SLMAP: variants seen among roughly 807,000 people sequenced by gnomAD.
The protein encoded by SLMAP is sarcolemma associated protein, also known as sarcolemmal membrane-associated protein.
SLMAP carries 44 observed loss-of-function variants against 128.8 expected under a neutral mutation model. The ratio of observed to expected loss-of-function variants is 0.34; its 90% CI spans 0.27 to 0.44. The LOEUF (loss-of-function observed/expected upper bound fraction) is 0.44. Among genes scored for constraint, SLMAP ranks in the 20% least tolerant of loss-of-function variants. SLMAP has a pLI of 1.00. For synonymous variants in SLMAP, 327 were observed against 348.8 expected, an observed-to-expected ratio of 0.94 and a Z score of 0.70; for missense variants, 787 against 985.3, an observed-to-expected ratio of 0.80 and a Z score of 2.69.
At chr3:57,819,575 C>T (rs1470675075) in intron 2 of SLMAP, among the ~76,000 whole-genome samples, 1 of 152,042 alleles carries the variant, frequency 6.6e-6, no homozygotes, top group African/African-American at 2.4e-5. Flanking sequence ...CTCTCTCCTA[C>T]CTCTTAATGA....
intron 22 of SLMAP, among the ~76,000 whole-genome samples, chr3:57,922,609 A>G (rs555981148): frequency 3.6e-4 from 54 of 152,016 alleles, no homozygotes; most frequent in African/African-American, 1.2e-3. Flanking sequence ...TTGTATTTTT[A>G]GTAGAGATGG....
intron 17 of SLMAP, chr3:57,901,147 A>G (rs1465184920): frequency 6.6e-6 from 1 of 152,228 alleles, no homozygotes; most frequent in Non-Finnish European, 1.5e-5. Flanking sequence ...GGCTTCTCCC[A>G]TATGGTTCCC....
intron 22 of SLMAP, among the ~76,000 whole-genome samples, chr3:57,921,388 A>G (rs951862835): frequency 3.9e-5 from 6 of 152,120 alleles, no homozygotes; most frequent in Non-Finnish European, 8.8e-5. Flanking sequence ...GCACTTTGGG[A>G]GGCTGAAGCA....
chr3:57,851,075 T>C (rs770836283), intron 6 of SLMAP, among the ~76,000 whole-genome samples: 40 of 152,354 alleles, frequency 2.6e-4, no homozygotes, highest in South Asian at 6.2e-4. Context: ...CTCACAACAG[T>C]CTTACAAGGT....
chr3:57,791,716 A>G (rs2085498183), intron 2 of SLMAP, among the ~76,000 whole-genome samples: 1 of 152,138 alleles, frequency 6.6e-6, no homozygotes, highest in South Asian at 2.1e-4. Context: ...ATTGGCTCAG[A>G]TTAAGTATTT....
intron 14 of SLMAP, among the ~76,000 whole-genome samples, chr3:57,874,167 A>G (rs779000958): frequency 1.3e-5 from 2 of 152,114 alleles, no homozygotes; most frequent in Non-Finnish European, 2.9e-5. Context: ...TGGCACATGT[A>G]TGTAGCCCTA....
chr3:57,790,003 A>AT (rs1324034205), intron 2 of SLMAP, among the ~76,000 whole-genome samples: 1 of 151,896 alleles, frequency 6.6e-6, no homozygotes, highest in East Asian at 1.9e-4. Flanking sequence ...CTCCCAACTA[A>AT]TTTTTTTATT....
At chr3:57,854,806 T>C (rs892846018) in intron 6 of SLMAP, among the ~76,000 whole-genome samples, 1 of 152,348 alleles carries the variant, frequency 6.6e-6, no homozygotes, top group South Asian at 2.1e-4. Context: ...TGTATGTGGT[T>C]GTATATATAC....
chr3:57,902,753 A>G (rs2096421643), intron 17 of SLMAP, among the ~76,000 whole-genome samples: 1 of 152,224 alleles, frequency 6.6e-6, no homozygotes, highest in Admixed American at 6.5e-5. Flanking sequence ...TTTCTGGAAG[A>G]AAAGGTGTCC....
At chr3:57,896,700 G>A (rs990061211) in intron 16 of SLMAP, 109 bp downstream of exon 16, 114 of 1,204,750 alleles carry the variant, frequency 9.5e-5, no homozygotes, top group Non-Finnish European at 1.2e-4. Flanking sequence ...AAAAAAAAAC[G>A]CTTCCATTTA....
chr3:57,910,089 C>CTG lies in SLMAP; in HGVS notation c.1699+940_1699+941dup, dbSNP rs373706098. Among the ~76,000 whole-genome samples the CTG allele has an allele frequency of 3.1e-3, 472 of 152,286 alleles. 3 individuals carry two copies. Among genetic ancestry groups the CTG allele is most frequent in the African/African-American group, 9.9e-3 (410 of 41,554 alleles). Reference sequence around the variant, plus strand: ...GGATAGGAAATCTGTTTGAGCTACTCTGCGTCAGCACTTTGAGCTTGCTGG... The same window carrying CTG: ...GGATAGGAAATCTGTTTGAGCTACTCTGTGCGTCAGCACTTTGAGCTTGCTGG... On this transcript the variant is annotated intron_variant, in intron 19 of 24. Coordinates refer to ENST00000671191, the MANE Select transcript of SLMAP (RefSeq NM_001377540.1).
chr3:57,892,807 C>CACAT (rs1203823735), intron 15 of SLMAP, among the ~76,000 whole-genome samples: 39 of 148,422 alleles, frequency 2.6e-4, no homozygotes, highest in Admixed American at 2.5e-3. Flanking sequence ...CACACACACA[C>CACAT]ACATACACAC....
intron 2 of SLMAP, among the ~76,000 whole-genome samples, chr3:57,823,703 A>G (rs1195483278): frequency 2.0e-5 from 3 of 152,212 alleles, no homozygotes; most frequent in Non-Finnish European, 4.4e-5. Context: ...TCTTTATAGC[A>G]GCATGATTTA....
At chr3:57,871,521 CTTTATTA>C (rs1470601778) in intron 13 of SLMAP, 108 bp from the exon 14 acceptor site, 4 of 709,228 alleles carry the variant, frequency 5.6e-6, no homozygotes, top group Non-Finnish European at 9.9e-6. Flanking sequence ...TATATTAAGC[CTTTATTA>C]GTCTTACTTA....
rs1489420324 is a variant in SLMAP at position 57,929,251 on chromosome 3, C to G, written c.*1962C>G. On this transcript the variant is annotated 3_prime_UTR_variant, in exon 25 of 25. Transcript: ENST00000671191. Reference sequence around the variant, plus strand: ...TTAATAGTCTTCTCTTGACATGACTCTTTATGCAACATAACATACATTTGG... The same window carrying G: ...TTAATAGTCTTCTCTTGACATGACTGTTTATGCAACATAACATACATTTGG... 6.6e-6 allele frequency: 1 copy of G among 152,578 alleles called. No individual in the cohort carries two copies. The highest frequency in any genetic ancestry group is 1.9e-4 in the East Asian group (1 of 5,202). The allele number at this position is 152,578 out of a possible 1,614,324, so 9.5% of individuals were successfully genotyped here.
At chr3:57,884,016 C>T (rs1474474533) in intron 14 of SLMAP, among the ~76,000 whole-genome samples, 1 of 149,568 alleles carries the variant, frequency 6.7e-6, no homozygotes, top group Non-Finnish European at 1.5e-5. Context: ...ACTGCAGCCA[C>T]AACCTCGCAG....
chr3:57,913,133 C>T (rs1403679700), intron 20 of SLMAP, 25 bp from the exon 21 acceptor site: 6 of 1,033,190 alleles, frequency 5.8e-6, no homozygotes, highest in African/African-American at 3.1e-5. Context: ...TCTGTATTAA[C>T]AAATATGTTT....
chr3:57,879,902 A>G (rs1454930096), intron 14 of SLMAP, among the ~76,000 whole-genome samples: 2 of 151,656 alleles, frequency 1.3e-5, no homozygotes, highest in Non-Finnish European at 2.9e-5. Flanking sequence ...GTGAGCCAAG[A>G]TCATGCCACT....
intron 3 of SLMAP, among the ~76,000 whole-genome samples, chr3:57,835,059 T>C (rs184122168): frequency 7.3e-6 from 1 of 137,476 alleles, no homozygotes; most frequent in Non-Finnish European, 1.5e-5. Flanking sequence ...GAGGCAGAGA[T>C]TGCAGTGAGC....
Sources: gnomAD v4.1 joint callset for allele counts (sites outside exome capture counted in the v4.1 genomes callset) on GRCh38, gnomAD v4.1.1 for gene constraint, MANE v1.5 for transcripts, NCBI Gene and HGNC (gene_info 2026-07-23, HGNC 2026-07-21) for gene names.